Variants in CBFA2T3 observed in about 807,000 individuals in gnomAD.
CBFA2T3 encodes the protein CBFA2/RUNX1 partner transcriptional co-repressor 3.
In CBFA2T3, 31 loss-of-function variants were observed where a neutral mutation model predicts 58.6. The ratio of observed to expected loss-of-function variants is 0.53; its 90% CI spans 0.40 to 0.71. The LOEUF is 0.71. CBFA2T3 is among the 30% of genes least tolerant of loss of function. CBFA2T3 has a pLI of 0.00. For missense variants in CBFA2T3, 1,076 were observed against 963.1 expected, an observed-to-expected ratio of 1.12 and a Z score of -1.55; for synonymous variants, 531 against 421.9, an observed-to-expected ratio of 1.26 and a Z score of -3.17.
At position 88,958,221 on chromosome 16, in the gene CBFA2T3, CT is replaced by C. The variant is rs763438783; in HGVS notation, c.151+18435del. Reference sequence around the variant, plus strand: ...AAACCTATCCCGAGAGGAAAGGGCCCTGGGCACAGGCTATGGCAGAAGAGCT... The same window carrying C: ...AAACCTATCCCGAGAGGAAAGGGCCCGGGCACAGGCTATGGCAGAAGAGCT... On this transcript the variant is annotated intron_variant, in intron 1 of 11. Transcript: ENST00000268679. The surrounding 1 kb of genome is among the most constrained non-coding windows in gnomAD (Gnocchi z 4.0). Among the ~76,000 whole-genome samples, 2 of 152,150 alleles carry C rather than the reference CT, an allele frequency of 1.3e-5. No homozygotes were observed. Among genetic ancestry groups the C allele is most frequent in the African/African-American group, 4.8e-5 (2 of 41,418 alleles).
At chr16:88,921,682 G>A (rs930941760) in intron 1 of CBFA2T3, among the ~76,000 whole-genome samples, 1 of 152,226 alleles carries the variant, frequency 6.6e-6, no homozygotes, top group African/African-American at 2.4e-5. Flanking sequence ...GAGGATAAGA[G>A]TCACCCTAAA....
chr16:88,969,658 G>A (rs905779745), intron 1 of CBFA2T3, among the ~76,000 whole-genome samples: 3 of 152,236 alleles, frequency 2.0e-5, no homozygotes, highest in Non-Finnish European at 4.4e-5. Context: ...CCGGCCTGAC[G>A]ACGCACAGAC....
chr16:88,976,495 GT>G (rs1416352286), intron 1 of CBFA2T3, among the ~76,000 whole-genome samples, 161 bp downstream of exon 1: 1 of 152,192 alleles, frequency 6.6e-6, no homozygotes, highest in Non-Finnish European at 1.5e-5. Context: ...GGACCTGCCT[GT>G]GGGGTGGCCC....
intron 11 of CBFA2T3, among the ~76,000 whole-genome samples, chr16:88,878,977 G>A (rs1041507008): frequency 6.6e-6 from 1 of 152,126 alleles, no homozygotes; most frequent in Non-Finnish European, 1.5e-5. Flanking sequence ...ACCTGGGCTC[G>A]AGTCCTGGCC....
At chr16:88,968,245 T>C (rs1429256359) in intron 1 of CBFA2T3, among the ~76,000 whole-genome samples, 1 of 152,162 alleles carries the variant, frequency 6.6e-6, no homozygotes, top group Non-Finnish European at 1.5e-5. Context: ...CCCAGCTGTC[T>C]CTGGCCCTGG....
At chr16:88,892,609 G>T in intron 3 of CBFA2T3, 124 bp from the exon 4 acceptor site, 1 of 1,128,666 alleles carries the variant, frequency 8.9e-7, no homozygotes, top group Non-Finnish European at 1.3e-6. Context: ...ACAATGATGA[G>T]ACACAAGGAC....
intron 1 of CBFA2T3, among the ~76,000 whole-genome samples, chr16:88,917,590 G>C (rs1433093724): frequency 1.3e-5 from 2 of 152,202 alleles, no homozygotes; most frequent in African/African-American, 4.8e-5. Context: ...TGTGTGAATT[G>C]GCTGCAAATC....
chr16:88,928,158 G>A (rs1786445823), intron 1 of CBFA2T3, among the ~76,000 whole-genome samples: 1 of 152,236 alleles, frequency 6.6e-6, no homozygotes, highest in African/African-American at 2.4e-5. Context: ...TGGCCCGAGG[G>A]TCTCTGAGCA....
chr16:88,884,793 G>A, intron 7 of CBFA2T3: 1 of 427,668 alleles, frequency 2.3e-6, no homozygotes, highest in South Asian at 4.5e-5. Context: ...AAGCTCGGAT[G>A]AGAACCACGT....
chr16:88,898,266 G>A (rs1043956961), intron 2 of CBFA2T3, 114 bp from the exon 3 acceptor site: 8 of 808,468 alleles, frequency 9.9e-6, no homozygotes, highest in African/African-American at 5.1e-5. Flanking sequence ...TTTGGTGGGG[G>A]CGTGGGCAGG....
rs1021209409 is a variant in CBFA2T3, at chr16:88,885,841, G to A, written c.893+120C>T. ...ACACCTCGCCACGCTCCCTCAGCCCGAGAGAGCCGGCCGGGCTGGCTGCAG... is the reference window on the plus strand; with the variant it reads ...ACACCTCGCCACGCTCCCTCAGCCCAAGAGAGCCGGCCGGGCTGGCTGCAG... On this transcript the variant is annotated intron_variant, in intron 6 of 11. Transcript: ENST00000268679. This position sits in a 1 kb window ranked among gnomAD's most constrained non-coding sequence, Gnocchi z 5.3. The A allele has an allele frequency of 1.7e-5, 15 of 904,776 alleles. No homozygotes were observed. The highest frequency in any genetic ancestry group is 3.3e-5 in the African/African-American group (2 of 59,750). The allele number at this position is 904,776 out of a possible 1,614,324, so 56.0% of individuals were successfully genotyped here. A position where few individuals can be genotyped will look rare whatever the true frequency, so the allele number is the denominator to read the frequency against.
At chr16:88,966,909 G>C (rs1972519303) in intron 1 of CBFA2T3, among the ~76,000 whole-genome samples, 1 of 152,208 alleles carries the variant, frequency 6.6e-6, no homozygotes, top group African/African-American at 2.4e-5. Context: ...CTGGACTCTG[G>C]AAGCCCAGGA....
chr16:88,916,554 TGCA>T (rs771366756), intron 1 of CBFA2T3, among the ~76,000 whole-genome samples: 7 of 146,510 alleles, frequency 4.8e-5, no homozygotes, highest in Non-Finnish European at 1.0e-4. Flanking sequence ...CAGGGATGGC[TGCA>T]GAACACTCCG....
intron 2 of CBFA2T3, 51 bp from the exon 3 acceptor site, chr16:88,898,203 ACT>A (rs779402365): frequency 4.2e-6 from 6 of 1,422,688 alleles, no homozygotes; most frequent in Non-Finnish European, 5.9e-6. Context: ...TGGGCAGGAG[ACT>A]CTGCCCTCAG....
Position 88,976,785 on chromosome 16 carries a change from T to C in CBFA2T3, c.23A>G (p.Asp8Gly). 6.4e-7 allele frequency: 1 copy of C among 1,555,360 alleles called. No homozygotes were observed. The highest frequency in any genetic ancestry group is 1.2e-5 in the South Asian group (1 of 84,408). The change falls in exon 1 of 12, where the codon GAC becomes GGC. Residue 8 changes from aspartate (D) to glycine (G), a missense_variant. Asp to Gly is a moderately conservative substitution (Grantham distance 94, BLOSUM62 -1). Coordinates refer to ENST00000268679, the MANE Select transcript of CBFA2T3 (RefSeq NM_005187.6). ...TCCCGAGGCTGAACTGGCTGCCCTG[T>C]CCCTCAGTCTTGAAGCCGGCATGAG... The part of the protein sequence containing the change: MPASRLR[D>G]RAASSASGST...
At chr16:88,946,989 C>G (rs1971920244) in intron 1 of CBFA2T3, among the ~76,000 whole-genome samples, 1 of 152,196 alleles carries the variant, frequency 6.6e-6, no homozygotes, top group Non-Finnish European at 1.5e-5. Context: ...AGGGCAGTGA[C>G]ACTATTCTGT....
Position 88,909,489 on chromosome 16 carries a change from G to A in CBFA2T3, c.152-7833C>T, listed in dbSNP as rs532510263. ...CCACTACATCCCGGGTGACCCCGAC[G>A]GCAGCTGGGACGGAGGACGCCACTG... On this transcript the variant is annotated intron_variant, in intron 1 of 11. Coordinates refer to ENST00000268679, the MANE Select transcript of CBFA2T3 (RefSeq NM_005187.6). Among the ~76,000 whole-genome samples, 553 of 145,016 alleles carry A rather than the reference G, an allele frequency of 3.8e-3. 1 individual carries two copies. Among genetic ancestry groups the A allele is most frequent in the African/African-American group, 0.013 (527 of 39,144 alleles).
intron 1 of CBFA2T3, among the ~76,000 whole-genome samples, chr16:88,971,330 G>A (rs906575069): frequency 5.9e-5 from 9 of 152,170 alleles, no homozygotes; most frequent in Admixed American, 2.6e-4. Context: ...GACTGGTCTC[G>A]GAATCCTGGC....
In CBFA2T3 at chr16:88,976,644, T is replaced by C. The variant is rs766203950; in HGVS notation, c.151+13A>G. The C allele has an allele frequency of 5.9e-5, 91 of 1,547,788 alleles. No individual in the cohort carries two copies. The Middle Eastern group carries it at 2.6e-3, about 45-fold the overall frequency. On this transcript the variant is annotated intron_variant, in intron 1 of 11. Coordinates refer to ENST00000268679, the MANE Select transcript of CBFA2T3 (RefSeq NM_005187.6). ...CTGCCCCCACCCCACCACCTTCCCC[T>C]CGAGCCTCTTACCTGGGCCGCCCTT...
Sources: gnomAD v4.1 joint callset for allele counts (sites outside exome capture counted in the v4.1 genomes callset) on GRCh38, gnomAD v4.1.1 for gene constraint, Gnocchi (gnomAD v3.1) non-coding constraint, MANE v1.5 for transcripts, NCBI Gene and HGNC (gene_info 2026-07-23, HGNC 2026-07-21) for gene names.